The following GRM1 variants were observed in gnomAD, a reference collection of about 807,000 sequenced individuals.
GRM1 encodes glutamate metabotropic receptor 1, also known as metabotropic glutamate receptor 1.
In GRM1, 33 loss-of-function variants were observed where a neutral mutation model predicts 90.9. That is an observed-to-expected ratio of 0.36 (90% CI 0.28 to 0.49). The LOEUF (loss-of-function observed/expected upper bound fraction) is 0.49. GRM1 is among the 20% of genes least tolerant of loss of function. The pLI is 0.99. For synonymous variants in GRM1, 700 were observed against 613.2 expected, an observed-to-expected ratio of 1.14 and a Z score of -2.09; for missense variants, 1,190 against 1,534.3, an observed-to-expected ratio of 0.78 and a Z score of 3.75.
intron 1 of GRM1, among the ~76,000 whole-genome samples, chr6:146,121,583 A>AT (rs1305980041): frequency 3.3e-5 from 5 of 152,042 alleles, no homozygotes; most frequent in African/African-American, 9.7e-5. Context: ...AGTGCTATAA[A>AT]TTTCCCTCTA....
chr6:146,062,990 A>AT, intron 1 of GRM1, among the ~76,000 whole-genome samples: 1 of 151,792 alleles, frequency 6.6e-6, no homozygotes. Context: ...CTTGCAGGCT[A>AT]TTTTTTCTTT....
At chr6:146,048,519 A>G (rs909629745) in intron 1 of GRM1, among the ~76,000 whole-genome samples, 5 of 151,974 alleles carry the variant, frequency 3.3e-5, no homozygotes, top group Non-Finnish European at 7.4e-5. Context: ...TGTTTTTGTT[A>G]TGGGTTAATT....
chr6:146,365,892 G>A (rs1177436052), intron 5 of GRM1, among the ~76,000 whole-genome samples: 1 of 152,184 alleles, frequency 6.6e-6, no homozygotes, highest in East Asian at 1.9e-4. Flanking sequence ...GGTCCTGAAA[G>A]CTGGGTGAGG....
At chr6:146,179,971 G>A (rs1371862271) in intron 2 of GRM1, among the ~76,000 whole-genome samples, 2 of 152,014 alleles carry the variant, frequency 1.3e-5, no homozygotes, top group Admixed American at 1.3e-4. Flanking sequence ...GGGATACTTT[G>A]TCTCCACAAA....
intron 3 of GRM1, among the ~76,000 whole-genome samples, chr6:146,309,245 A>G (rs1783693771): frequency 6.6e-6 from 1 of 151,966 alleles, no homozygotes; most frequent in Non-Finnish European, 1.5e-5. Flanking sequence ...CTAAAAATAC[A>G]AAAATTAGTT....
intron 6 of GRM1, among the ~76,000 whole-genome samples, chr6:146,395,332 A>T (rs362854): frequency 0.49 from 73,991 of 151,816 alleles, 18,550 homozygotes; most frequent in East Asian, 0.62. Context: ...GTCCTTTTTA[A>T]GTTAGTTGTT....
chr6:146,394,200 A>G (rs1376595858), intron 6 of GRM1, among the ~76,000 whole-genome samples: 1 of 152,140 alleles, frequency 6.6e-6, no homozygotes, highest in South Asian at 2.1e-4. Flanking sequence ...GGACATAGGC[A>G]TGGGCAAAGA....
intron 1 of GRM1, 76 bp from the exon 2 acceptor site, chr6:146,159,272 A>G: frequency 6.3e-7 from 1 of 1,583,524 alleles, no homozygotes; most frequent in Non-Finnish European, 8.7e-7. Context: ...CCTGTGACTA[A>G]CAAGTTGTTA....
chr6:146,357,721 G>A (rs903453655), intron 5 of GRM1, 27 bp downstream of exon 5: 1 of 1,592,258 alleles, frequency 6.3e-7, no homozygotes, highest in African/African-American at 1.3e-5. Context: ...TTCTTGCATG[G>A]TATCTGTGAG....
intron 1 of GRM1, among the ~76,000 whole-genome samples, chr6:146,051,232 G>T (rs1791511590): frequency 6.6e-6 from 1 of 151,998 alleles, no homozygotes; most frequent in Admixed American, 6.6e-5. Flanking sequence ...TTCTCATGCA[G>T]CTAACAAGAT....
At chr6:146,078,314 C>T (rs1283357427) in intron 1 of GRM1, among the ~76,000 whole-genome samples, 1 of 152,116 alleles carries the variant, frequency 6.6e-6, no homozygotes. Context: ...AACTGCCTTC[C>T]TTATGTGTTG....
At chr6:146,420,564 CTTATT>C (rs1777955925) in intron 7 of GRM1, among the ~76,000 whole-genome samples, 1 of 152,260 alleles carries the variant, frequency 6.6e-6, no homozygotes. Flanking sequence ...TCTACATAAT[CTTATT>C]TTATATGTTC....
rs1778612776 is a variant in GRM1, at chr6:146,436,972, C to A, written c.*2176C>A. Reference sequence around the variant, plus strand: ...TAGTCAGTTCCACACCAAGAATGAACTGCATTTCCTTTAAAAATTATTTTA... The same window carrying A: ...TAGTCAGTTCCACACCAAGAATGAAATGCATTTCCTTTAAAAATTATTTTA... On this transcript the variant is annotated 3_prime_UTR_variant, in exon 8 of 8. Coordinates refer to ENST00000282753, the MANE Select transcript of GRM1 (RefSeq NM_001278064.2). The A allele has an allele frequency of 6.6e-6, 1 of 152,554 alleles. No homozygotes were observed. The highest frequency in any genetic ancestry group is 2.4e-5 in the African/African-American group (1 of 41,438). The allele number at this position is 152,554 out of a possible 1,614,324, so 9.5% of individuals were successfully genotyped here. A position where few individuals can be genotyped will look rare whatever the true frequency, so the allele number is the denominator to read the frequency against.
chr6:146,303,229 C>T (rs1783458495), intron 2 of GRM1, among the ~76,000 whole-genome samples: 1 of 152,156 alleles, frequency 6.6e-6, no homozygotes, highest in Non-Finnish European at 1.5e-5. Flanking sequence ...TGCCCAGTCC[C>T]TTCTCTGTGA....
intron 2 of GRM1, among the ~76,000 whole-genome samples, chr6:146,293,280 TTAAG>T (rs1160629977): frequency 1.3e-5 from 2 of 152,016 alleles, no homozygotes; most frequent in Non-Finnish European, 2.9e-5. Context: ...AAATTTCACC[TTAAG>T]TTTTAAAAAT....
At chr6:146,287,248 T>A (rs1782799174) in intron 2 of GRM1, among the ~76,000 whole-genome samples, 1 of 152,192 alleles carries the variant, frequency 6.6e-6, no homozygotes, top group Non-Finnish European at 1.5e-5. Context: ...GAAATCAGTC[T>A]GGGGCAACCT....
At chr6:146,061,459 T>C (rs1363743502) in intron 1 of GRM1, among the ~76,000 whole-genome samples, 4 of 152,124 alleles carry the variant, frequency 2.6e-5, no homozygotes, top group South Asian at 4.2e-4. Context: ...AAGCCAAAAT[T>C]GACAAATGGG....
chr6:146,096,640 C>T (rs1776883634), intron 1 of GRM1, among the ~76,000 whole-genome samples: 1 of 152,120 alleles, frequency 6.6e-6, no homozygotes, highest in Non-Finnish European at 1.5e-5. Flanking sequence ...GGTGTATCAC[C>T]CATGACCAGG....
Position 146,224,588 on chromosome 6 carries a change from T to C in GRM1, c.950+64991T>C, listed in dbSNP as rs373531452. On this transcript the variant is annotated intron_variant, in intron 2 of 7. Coordinates refer to ENST00000282753, the MANE Select transcript of GRM1 (RefSeq NM_001278064.2). ...GCTTGACAGCTTAGATAATGAAAAG[T>C]CCTACATTCACTTCTTATCACAAGA... Among the ~76,000 whole-genome samples the C allele has an allele frequency of 2.6e-5, 4 of 152,322 alleles. No homozygotes were observed. The South Asian group carries it at 6.2e-4, about 24-fold the overall frequency.
Sources: gnomAD v4.1 joint callset for allele counts (sites outside exome capture counted in the v4.1 genomes callset) on GRCh38, gnomAD v4.1.1 for gene constraint, MANE v1.5 for transcripts, NCBI Gene and HGNC (gene_info 2026-07-23, HGNC 2026-07-21) for gene names.